Variants in C17orf78 observed in about 807,000 individuals in gnomAD.
C17orf78 encodes the protein uncharacterized protein C17orf78.
A neutral mutation model predicts 31.8 loss-of-function variants in C17orf78; 27 were observed. The observed-to-expected ratio is 0.85, with a 90% confidence interval of 0.63 to 1.17. C17orf78 has a LOEUF of 1.17. Among genes scored for constraint, C17orf78 ranks in the 50% most tolerant of loss-of-function variants. The pLI is 0.00. For missense variants in C17orf78, 258 were observed against 315.2 expected, an observed-to-expected ratio of 0.82 and a Z score of 1.37; for synonymous variants, 106 against 115.1, an observed-to-expected ratio of 0.92 and a Z score of 0.51.
At chr17:37,380,789 G>T (rs1264716650) in intron 3 of C17orf78, among the ~76,000 whole-genome samples, 1 of 151,904 alleles carries the variant, frequency 6.6e-6, no homozygotes, top group Non-Finnish European at 1.5e-5. Flanking sequence ...GTAGAGACAG[G>T]ATTTCACCAT....
At chr17:37,376,202 A>G (rs1937222417) in intron 1 of C17orf78, 52 bp downstream of exon 1, 1 of 1,500,394 alleles carries the variant, frequency 6.7e-7, no homozygotes, top group Non-Finnish European at 9.3e-7. Flanking sequence ...GAGGCCTAGA[A>G]AGAGTTTCGG....
At chr17:37,378,387 G>A (rs912425889) in intron 2 of C17orf78, among the ~76,000 whole-genome samples, 1 of 152,210 alleles carries the variant, frequency 6.6e-6, no homozygotes, top group African/African-American at 2.4e-5. Context: ...GGTCATGAAT[G>A]GAAATGGGTT....
rs192983498 is a variant in C17orf78, at chr17:37,377,706, A to T, written c.59-173A>T. ...ATAAATAAATAAATAAATAAATAAA[A>T]GTAAAGTCTTTTTAGAGAGTGTTTG... is the stretch of plus-strand genomic sequence containing the variant. On this transcript the variant is annotated intron_variant, in intron 1 of 6. Transcript: ENST00000615133. Among the ~76,000 whole-genome samples the T allele has an allele frequency of 4.2e-4, 63 of 148,588 alleles. No homozygotes were observed. The East Asian group carries it at 9.8e-3, about 23-fold the overall frequency.
Position 37,376,058 on chromosome 17 carries a change from TG to T in C17orf78, c.-33del. On this transcript the variant is annotated 5_prime_UTR_variant, in exon 1 of 7. An upstream open reading frame in the 5' UTR gains an earlier in-frame stop. Transcript: ENST00000615133. ...ATCAAGGGCTGTGACAGATGAGCAG[TG>T]GTCTGTCTGCAATGAGCATGTGCTC... 6.3e-7 allele frequency: 1 copy of T among 1,577,164 alleles called. No individual in the cohort carries two copies. The highest frequency in any genetic ancestry group is 8.7e-7 in the Non-Finnish European group (1 of 1,146,780).
At chr17:37,381,871 C>T (rs921892909) in intron 3 of C17orf78, among the ~76,000 whole-genome samples, 1 of 152,078 alleles carries the variant, frequency 6.6e-6, no homozygotes, top group Non-Finnish European at 1.5e-5. Flanking sequence ...TTGTGATCTG[C>T]CCGCCTTGGC....
rs1189193698 is a variant in C17orf78 at position 37,390,304 on chromosome 17, TTATATATATA to T, written c.750+963_750+972del. 3.4e-3 allele frequency among the ~76,000 whole-genome samples: 62 copies of T among 17,976 alleles called. 12 individuals are homozygous for T. Among genetic ancestry groups the T allele is most frequent in the African/African-American group, 0.023 (60 of 2,620 alleles). 11.8% of individuals were successfully genotyped at this position (17,976 alleles called of 152,430 possible). Reference sequence around the variant, plus strand: ...ATATATAATTATATATTATACATAATTATATATATATATATATATATATATATATAAAAGG... The same window carrying T: ...ATATATAATTATATATTATACATAATTATATATATATATATATATAAAAGG... On this transcript the variant is annotated intron_variant, in intron 6 of 6. Transcript: ENST00000615133.
chr17:37,390,304 T>TTTTATATATATATATATTATA (rs1201500381), intron 6 of C17orf78, among the ~76,000 whole-genome samples: 3 of 17,976 alleles, frequency 1.7e-4, no homozygotes, highest in African/African-American at 3.8e-4. Context: ...TTATACATAA[T>TTTTATATATATATATATTATA]TATATATATA....
chr17:37,378,439 A>G (rs981614320), intron 2 of C17orf78, among the ~76,000 whole-genome samples: 2 of 152,224 alleles, frequency 1.3e-5, no homozygotes, highest in African/African-American at 4.8e-5. Context: ...TTGGCCAGGC[A>G]TGGTGGCTCA....
intron 4 of C17orf78, chr17:37,387,775 C>T (rs1025000005): frequency 8.5e-5 from 13 of 152,138 alleles, no homozygotes; most frequent in African/African-American, 3.1e-4. Flanking sequence ...CAACAGTCCT[C>T]CTTAAATTGG....
At chr17:37,383,820 C>A (rs535855658) in intron 3 of C17orf78, among the ~76,000 whole-genome samples, 1 of 152,070 alleles carries the variant, frequency 6.6e-6, no homozygotes, top group Non-Finnish European at 1.5e-5. Flanking sequence ...CAAAGTGCTG[C>A]GATTATAGGC....
intron 3 of C17orf78, among the ~76,000 whole-genome samples, chr17:37,381,783 A>G (rs959426853): frequency 3.9e-4 from 59 of 151,588 alleles, no homozygotes; most frequent in African/African-American, 7.0e-4. Flanking sequence ...ACTCGCCACC[A>G]CACCCAGTTA....
chr17:37,391,610 T>C lies in C17orf78; in HGVS notation c.751-37T>C, dbSNP rs768461363. 6 of 1,584,924 alleles carry C rather than the reference T, an allele frequency of 3.8e-6. No homozygotes were observed. The Admixed American group carries it at 1.0e-4, about 26-fold the overall frequency. On this transcript the variant is annotated intron_variant, in intron 6 of 6. Transcript: ENST00000615133. ...GTACATGAAGAACTATACACTTGCA[T>C]CCTTTTTTAACTTTCATATTTCCTT...
At chr17:37,387,454 T>C (rs2050592658) in intron 4 of C17orf78, 1 of 148,712 alleles carries the variant, frequency 6.7e-6, no homozygotes, top group Non-Finnish European at 1.5e-5. Flanking sequence ...GTTTTTTTGT[T>C]TTTGTTCTTT....
At position 37,383,024 on chromosome 17, in the gene C17orf78, G is replaced by A. The variant is rs955608815; in HGVS notation, c.392-2985G>A. On this transcript the variant is annotated intron_variant, in intron 3 of 6. Coordinates refer to ENST00000615133, the MANE Select transcript of C17orf78 (RefSeq NM_173625.5). ...TGCATTCCAGTCTGGGCAATAGAGC[G>A]AGACTCCATCTGAAAAAATAAACAA... is the stretch of plus-strand genomic sequence containing the variant. Among the ~76,000 whole-genome samples, 5 of 152,174 alleles carry A rather than the reference G, an allele frequency of 3.3e-5. No individual in the cohort carries two copies. In the East Asian group the frequency reaches 5.8e-4, roughly 18 times the overall value.
chr17:37,382,115 T>A (rs1261174786), intron 3 of C17orf78, among the ~76,000 whole-genome samples: 10 of 152,308 alleles, frequency 6.6e-5, no homozygotes, highest in African/African-American at 2.4e-4. Flanking sequence ...CTTGTATACC[T>A]GCAATTTATC....
At chr17:37,388,985 T>C (rs2050672328) in intron 5 of C17orf78, among the ~76,000 whole-genome samples, 191 bp downstream of exon 5, 1 of 152,168 alleles carries the variant, frequency 6.6e-6, no homozygotes, top group Admixed American at 6.5e-5. Context: ...ATGTGTAAAA[T>C]AAGTCTCATG....
rs2050146226 is a variant in C17orf78 at position 37,379,400 on chromosome 17, G to A, written c.391+18G>A. On this transcript the variant is annotated intron_variant, in intron 3 of 6. Coordinates refer to ENST00000615133, the MANE Select transcript of C17orf78 (RefSeq NM_173625.5). ...AGGCAAAGGTGAGATTGGAAAAGAG[G>A]AAGGGGGCAGGCACTAACTTTTAGT... is the stretch of plus-strand genomic sequence containing the variant. 1 of 1,610,342 alleles carries A rather than the reference G, an allele frequency of 6.2e-7. No individual in the cohort carries two copies. The highest frequency in any genetic ancestry group is 8.5e-7 in the Non-Finnish European group (1 of 1,178,054).
At chr17:37,383,253 A>G (rs756243947) in intron 3 of C17orf78, among the ~76,000 whole-genome samples, 2 of 152,168 alleles carry the variant, frequency 1.3e-5, no homozygotes, top group Non-Finnish European at 2.9e-5. Flanking sequence ...GCAATTAAGG[A>G]CATTAGCTCT....
At chr17:37,378,279 A>G (rs1016001807) in intron 2 of C17orf78, among the ~76,000 whole-genome samples, 6 of 152,244 alleles carry the variant, frequency 3.9e-5, no homozygotes, top group African/African-American at 1.4e-4. Context: ...CATGGGAACC[A>G]TGGCAGAAGA....
Sources: allele counts gnomAD v4.1 joint callset (sites outside exome capture counted in the v4.1 genomes callset), GRCh38; gene constraint gnomAD v4.1.1; transcripts MANE v1.5; gene names NCBI Gene and HGNC (gene_info 2026-07-23, HGNC 2026-07-21).